FCN2: variants seen among roughly 807,000 people sequenced by gnomAD.
FCN2 encodes the protein ficolin-2.
Under a neutral mutation model 32.5 loss-of-function variants are expected in FCN2, and 31 were observed. The ratio of observed to expected loss-of-function variants is 0.96; its 90% CI spans 0.72 to 1.29. FCN2 has a LOEUF of 1.29. FCN2 is among the 50% of genes most tolerant of loss of function. The pLI is 0.00. For synonymous variants in FCN2, 181 were observed against 164.5 expected, an observed-to-expected ratio of 1.10 and a Z score of -0.77; for missense variants, 412 against 406.5, an observed-to-expected ratio of 1.01 and a Z score of -0.12.
the FCN2 span, among the ~76,000 whole-genome samples, chr9:134,873,423 C>A: frequency 3.2e-4 from 48 of 152,204 alleles, no homozygotes; most frequent in African/African-American, 8.2e-4. Flanking sequence ...CCTTCATCTG[C>A]AAAGAGTATG....
chr9:134,871,907 C>A, the FCN2 span, among the ~76,000 whole-genome samples: 1 of 152,164 alleles, frequency 6.6e-6, no homozygotes, highest in Non-Finnish European at 1.5e-5. Context: ...TCTGTCACCC[C>A]CAGAAGCTTC....
intron 3 of FCN2, 141 bp from the exon 4 acceptor site, chr9:134,884,599 A>G: frequency 2.4e-6 from 2 of 828,710 alleles, no homozygotes; most frequent in African/African-American, 1.7e-5. Context: ...GGTCAACAGA[A>G]CCAGGGTCAG....
At chr9:134,874,191 C>T in the FCN2 span, among the ~76,000 whole-genome samples, 16,710 of 152,160 alleles carry the variant, frequency 0.11, 929 homozygotes, top group East Asian at 0.18. Context: ...CCTGGGAGTA[C>T]AGTTAGGAGC....
upstream of FCN2, among the ~76,000 whole-genome samples, chr9:134,876,387 C>T (rs12001734): frequency 9.3e-3 from 1,416 of 152,228 alleles, 12 homozygotes; most frequent in African/African-American, 0.031. Flanking sequence ...TCATCAGTGA[C>T]GCTGTCTGGG....
chr9:134,885,412 G>A (rs1830734504), intron 5 of FCN2, 46 bp downstream of exon 5: 3 of 1,602,558 alleles, frequency 1.9e-6, no homozygotes, highest in African/African-American at 2.7e-5. Context: ...GAGTCCCGGA[G>A]GCCAGGCTGC....
intron 4 of FCN2, 112 bp downstream of exon 4, chr9:134,884,884 A>G (rs1830722205): frequency 2.0e-6 from 2 of 1,012,332 alleles, no homozygotes; most frequent in African/African-American, 3.2e-5. Context: ...ACAGAAGAAA[A>G]TGGTTGCTTG....
chr9:134,882,432 A>G lies in FCN2; in HGVS notation c.101-94A>G, dbSNP rs4370608. The G allele has an allele frequency of 7.5e-3, 7,674 of 1,024,488 alleles. 367 individuals are homozygous for G. In the African/African-American group the frequency reaches 0.11, roughly 14 times the overall value. 63.5% of individuals were successfully genotyped at this position (1,024,488 alleles called of 1,614,324 possible). ...TCTGCCCAGTCCTGATGTCACCAAG[A>G]TGGCAGATGCCTTTCAGTTGAGTGG... On this transcript the variant is annotated intron_variant, in intron 1 of 7. Coordinates refer to ENST00000291744, the MANE Select transcript of FCN2 (RefSeq NM_004108.3).
upstream of FCN2, among the ~76,000 whole-genome samples, chr9:134,879,753 G>A (rs1278011817): frequency 3.9e-5 from 6 of 152,158 alleles, no homozygotes; most frequent in African/African-American, 1.2e-4. Context: ...TGTTTCTCGC[G>A]TGGCTTTGCT....
At chr9:134,872,569 G>A in the FCN2 span, among the ~76,000 whole-genome samples, 681 of 152,296 alleles carry the variant, frequency 4.5e-3, 13 homozygotes, top group Admixed American at 0.041. Context: ...GGCTGGGGAG[G>A]CCTCACCATC....
the FCN2 span, among the ~76,000 whole-genome samples, chr9:134,873,922 G>T: frequency 0.035 from 196 of 5,666 alleles, 1 homozygote; most frequent in East Asian, 0.42. Flanking sequence ...TTTGTTTTTT[G>T]TTTTTTGATA....
intron 4 of FCN2, 60 bp downstream of exon 4, chr9:134,884,832 G>T: frequency 6.7e-7 from 1 of 1,497,210 alleles, no homozygotes; most frequent in East Asian, 2.3e-5. Flanking sequence ...TGGAAGTCCA[G>T]GGTCATACGA....
the FCN2 span, among the ~76,000 whole-genome samples, chr9:134,869,138 T>A: frequency 6.6e-6 from 1 of 152,170 alleles, no homozygotes; most frequent in Non-Finnish European, 1.5e-5. Context: ...CTCTGCCCAC[T>A]CGGCCCCCGT....
At chr9:134,865,027 C>T in the FCN2 span, among the ~76,000 whole-genome samples, 18 of 152,204 alleles carry the variant, frequency 1.2e-4, no homozygotes, top group Non-Finnish European at 2.4e-4. Flanking sequence ...AGGGCGCTGG[C>T]GGGCAGTGGG....
chr9:134,886,285 A>G, intron 6 of FCN2, 145 bp from the exon 7 acceptor site: 1 of 949,494 alleles, frequency 1.1e-6, no homozygotes, highest in Non-Finnish European at 1.7e-6. Flanking sequence ...TCAGAGCTAC[A>G]CAGGCCCCGG....
rs55797213 is a variant in FCN2 at position 134,880,854 on chromosome 9, C to T, written c.33C>T (p.Gly11=). 7,662 of 1,613,650 alleles carry T rather than the reference C, an allele frequency of 4.7e-3. 313 individuals carry two copies. The African/African-American group carries it at 0.09, about 19-fold the overall frequency. Residue 11 remains glycine (G), a synonymous_variant, in exon 1 of 8, where the codon GGC becomes GGT. Coordinates refer to ENST00000291744, the MANE Select transcript of FCN2 (RefSeq NM_004108.3). ...TGGACAGAGCTGTGGGGGTCCTGGGCGCTGCCACCCTGCTGCTCTCTTTCC... is the reference window on the plus strand; with the variant it reads ...TGGACAGAGCTGTGGGGGTCCTGGGTGCTGCCACCCTGCTGCTCTCTTTCC... MELDRAVGVL[G]AATLLLSFLG...
At chr9:134,866,630 T>C in the FCN2 span, among the ~76,000 whole-genome samples, 1 of 150,036 alleles carries the variant, frequency 6.7e-6, no homozygotes, top group Non-Finnish European at 1.5e-5. Flanking sequence ...AAAGCCAAAA[T>C]TGACAAATGG....
rs759283477 is a variant in FCN2 at position 134,885,805 on chromosome 9, A to C, written c.467A>C (p.Tyr156Ser). 16 of 1,613,648 alleles carry C rather than the reference A, an allele frequency of 9.9e-6. No homozygotes were observed. Among genetic ancestry groups the C allele is most frequent in the African/African-American group, 1.3e-5 (1 of 74,794 alleles). Residue 156 changes from tyrosine to serine, a missense_variant, in exon 6 of 8, where the codon TAC becomes TCC. Tyr to Ser is a moderately radical substitution (Grantham distance 144, BLOSUM62 -2). Transcript: ENST00000291744. ...QRRVDGSVDFYRDWATYKQGF... is the reference protein window; with the variant it reads ...QRRVDGSVDFSRDWATYKQGF... Reference sequence around the variant, plus strand: ...AGGGTGGATGGCTCTGTGGACTTCTACCGGGACTGGGCCACGTACAAGCAG... The same window carrying C: ...AGGGTGGATGGCTCTGTGGACTTCTCCCGGGACTGGGCCACGTACAAGCAG...
chr9:134,885,365 C>T lies in FCN2; in HGVS notation c.428C>T (p.Thr143Ile). 13 of 1,613,432 alleles carry T rather than the reference C, an allele frequency of 8.1e-6. No individual in the cohort carries two copies. The highest frequency in any genetic ancestry group is 1.1e-5 in the Non-Finnish European group (13 of 1,179,790). Residue 143 changes from threonine to isoleucine, a missense_variant and splice_region_variant, in exon 5 of 8, where the codon ACC becomes ATC. Physicochemically the swap from Thr to Ile is moderately conservative, Grantham distance 89 (BLOSUM62 -1). Transcript: ENST00000291744. ...ATGGACACGGACGGAGGGGGCTGGA[C>T]CGTGAGTGTGGGGCTGGGCAGAGGC... Reference protein sequence around the residue: ...CDMDTDGGGWTVFQRRVDGSV... With the variant: ...CDMDTDGGGWIVFQRRVDGSV...
At chr9:134,882,091 A>G (rs759148092) in intron 1 of FCN2, among the ~76,000 whole-genome samples, 10 of 152,194 alleles carry the variant, frequency 6.6e-5, no homozygotes, top group Non-Finnish European at 1.2e-4. Flanking sequence ...TATTGATTAC[A>G]ATGATATGAT....
Sources: allele counts gnomAD v4.1 joint callset (sites outside exome capture counted in the v4.1 genomes callset), GRCh38; gene constraint gnomAD v4.1.1; transcripts MANE v1.5; gene names NCBI Gene and HGNC (gene_info 2026-07-23, HGNC 2026-07-21).